Variants in SCAPER observed in about 807,000 individuals in gnomAD.
SCAPER encodes the protein S phase cyclin A-associated protein in the endoplasmic reticulum.
Under a neutral mutation model 182.2 loss-of-function variants are expected in SCAPER, and 98 were observed. The observed-to-expected ratio is 0.54, with a 90% CI of 0.46 to 0.64. The LOEUF (loss-of-function observed/expected upper bound fraction) is 0.64. Ranked by LOEUF, SCAPER falls within the 30% of genes least tolerant of loss-of-function variation. SCAPER has a pLI of 0.00. For missense variants in SCAPER, 1,432 were observed against 1,690.0 expected, an observed-to-expected ratio of 0.85 and a Z score of 2.68; for synonymous variants, 605 against 564.6, an observed-to-expected ratio of 1.07 and a Z score of -1.01.
At chr15:76,608,924 C>A (rs2050722566) in intron 22 of SCAPER, among the ~76,000 whole-genome samples, 1 of 152,170 alleles carries the variant, frequency 6.6e-6, no homozygotes, top group Non-Finnish European at 1.5e-5. Flanking sequence ...CCGTCTGTCA[C>A]CCCTTTCTTT....
intron 26 of SCAPER, among the ~76,000 whole-genome samples, chr15:76,430,742 G>A (rs1213829251): frequency 6.6e-6 from 1 of 152,180 alleles, no homozygotes; most frequent in African/African-American, 2.4e-5. Context: ...ATGAGATGTT[G>A]TACTATGGAC....
At position 76,800,239 on chromosome 15, in the gene SCAPER, T is replaced by C; in HGVS notation, c.611+9A>G. The stretch of plus-strand genomic sequence containing the variant: ...CAAGTCTTAGTAGTTTTTTCTTAGT[T>C]CATCTCACCCAAAATTTAAGCTTCG... On this transcript the variant is annotated intron_variant, in intron 7 of 31. Transcript: ENST00000563290. The C allele has an allele frequency of 2.6e-6, 4 of 1,527,018 alleles. No homozygotes were observed. Among genetic ancestry groups the C allele is most frequent in the Non-Finnish European group, 3.6e-6 (4 of 1,103,190 alleles). 94.6% of individuals were successfully genotyped at this position (1,527,018 alleles called of 1,614,324 possible).
intron 1 of SCAPER, among the ~76,000 whole-genome samples, chr15:76,889,353 T>C (rs1296659997): frequency 6.6e-6 from 1 of 152,192 alleles, no homozygotes; most frequent in Admixed American, 6.5e-5. Flanking sequence ...ATGGGCTAAA[T>C]GCCCCAATTA....
At chr15:76,561,062 A>G in intron 23 of SCAPER, among the ~76,000 whole-genome samples, 1 of 152,158 alleles carries the variant, frequency 6.6e-6, no homozygotes, top group South Asian at 2.1e-4. Context: ...CCAGACTTAC[A>G]TAAATGTGGT....
At chr15:76,414,589 T>A (rs2045528539) in intron 26 of SCAPER, among the ~76,000 whole-genome samples, 1 of 151,192 alleles carries the variant, frequency 6.6e-6, no homozygotes, top group South Asian at 2.1e-4. Flanking sequence ...AAAAAAAAAA[T>A]TGTCAAGCAT....
chr15:76,789,013 C>T (rs1164365435), intron 8 of SCAPER, among the ~76,000 whole-genome samples: 1 of 152,038 alleles, frequency 6.6e-6, no homozygotes, highest in African/African-American at 2.4e-5. Flanking sequence ...ATTATTTTTT[C>T]TGAAATAATT....
intron 1 of SCAPER, among the ~76,000 whole-genome samples, chr15:76,903,222 T>G (rs944461006): frequency 1.3e-5 from 2 of 152,220 alleles, no homozygotes; most frequent in African/African-American, 4.8e-5. Flanking sequence ...GCAAACATTT[T>G]TAAAGTCTGT....
intron 21 of SCAPER, among the ~76,000 whole-genome samples, chr15:76,661,380 G>C (rs1329882020): frequency 6.6e-6 from 1 of 152,096 alleles, no homozygotes; most frequent in Non-Finnish European, 1.5e-5. Flanking sequence ...ACTATCATAA[G>C]AGCAAACAGG....
intron 1 of SCAPER, among the ~76,000 whole-genome samples, chr15:76,898,777 C>T (rs62027263): frequency 0.068 from 10,289 of 152,184 alleles, 386 homozygotes; most frequent in Middle Eastern, 0.11. Flanking sequence ...GAATGGAAAA[C>T]GGCTGCTAAT....
chr15:76,412,555 C>A (rs960667679), intron 26 of SCAPER, among the ~76,000 whole-genome samples: 40 of 151,966 alleles, frequency 2.6e-4, no homozygotes, highest in Non-Finnish European at 1.3e-4. Context: ...AATAATTGGA[C>A]CGTATTTGTG....
intron 21 of SCAPER, among the ~76,000 whole-genome samples, chr15:76,623,403 A>T (rs2052279105): frequency 6.6e-6 from 1 of 152,238 alleles, no homozygotes; most frequent in African/African-American, 2.4e-5. Context: ...TCTTTCATTC[A>T]TCTTGAGTTA....
chr15:76,526,134 A>C (rs1044096811), intron 23 of SCAPER, among the ~76,000 whole-genome samples: 3 of 151,832 alleles, frequency 2.0e-5, no homozygotes, highest in African/African-American at 7.3e-5. Context: ...CTTCCCTCTG[A>C]GCTCATTTTC....
intron 15 of SCAPER, among the ~76,000 whole-genome samples, chr15:76,749,083 C>T (rs1159378132): frequency 6.6e-6 from 1 of 151,948 alleles, no homozygotes; most frequent in African/African-American, 2.4e-5. Context: ...AGAACACCCT[C>T]GGTCATGAAC....
At chr15:76,605,280 T>A (rs1009707611) in intron 22 of SCAPER, among the ~76,000 whole-genome samples, 1 of 152,156 alleles carries the variant, frequency 6.6e-6, no homozygotes, top group Admixed American at 6.5e-5. Context: ...ATTGAGATAA[T>A]CATGTGGTTT....
chr15:76,567,146 CAGT>C, intron 23 of SCAPER: 1 of 247,878 alleles, frequency 4.0e-6, no homozygotes. Context: ...GGAATTGTAA[CAGT>C]ATATATATTT....
intron 8 of SCAPER, among the ~76,000 whole-genome samples, chr15:76,794,880 C>A (rs536952809): frequency 6.6e-6 from 1 of 152,152 alleles, no homozygotes; most frequent in South Asian, 2.1e-4. Context: ...AAGATAAACA[C>A]AGAATATTAT....
intron 26 of SCAPER, among the ~76,000 whole-genome samples, chr15:76,414,046 G>A (rs369453245): frequency 6.6e-5 from 10 of 152,130 alleles, no homozygotes; most frequent in Middle Eastern, 3.4e-3. Context: ...ATCTCATATC[G>A]TCATGATCCT....
intron 14 of SCAPER, among the ~76,000 whole-genome samples, chr15:76,761,223 ATT>A (rs767809708): frequency 2.1e-4 from 32 of 151,766 alleles, no homozygotes; most frequent in Admixed American, 1.6e-3. Context: ...TTTCTAATTT[ATT>A]TGAGTCTTTT....
chr15:76,555,017 G>A (rs935372397), intron 23 of SCAPER, among the ~76,000 whole-genome samples: 3 of 152,076 alleles, frequency 2.0e-5, no homozygotes, highest in Non-Finnish European at 4.4e-5. Flanking sequence ...CTGACCTCAA[G>A]TGATCCATCC....
Sources: allele counts gnomAD v4.1 joint callset (sites outside exome capture counted in the v4.1 genomes callset), GRCh38; gene constraint gnomAD v4.1.1; transcripts MANE v1.5; gene names NCBI Gene and HGNC (gene_info 2026-07-23, HGNC 2026-07-21).